Variants in LZTS1 observed in about 807,000 individuals in gnomAD.
LZTS1 encodes the protein leucine zipper putative tumor suppressor 1.
LZTS1 carries 31 observed loss-of-function variants against 45.8 expected under a neutral mutation model. The observed-to-expected ratio is 0.68, with a 90% CI of 0.51 to 0.91. The LOEUF is 0.91. Among genes scored for constraint, LZTS1 ranks in the 40% least tolerant of loss-of-function variants. LZTS1 has a pLI of 0.00. For synonymous variants in LZTS1, 359 were observed against 357.3 expected (o/e 1.00, Z -0.05); for missense variants, 821 against 788.9 (o/e 1.04, Z -0.49).
chr8:20,296,062 C>G (rs1800973904), intron 1 of LZTS1, among the ~76,000 whole-genome samples: 1 of 152,172 alleles, frequency 6.6e-6, no homozygotes, highest in South Asian at 2.1e-4. Context: ...CGAATAATGA[C>G]TAAGGTGGTG....
chr8:20,299,252 C>T (rs977113575), intron 1 of LZTS1, among the ~76,000 whole-genome samples: 1 of 152,250 alleles, frequency 6.6e-6, no homozygotes, highest in Non-Finnish European at 1.5e-5. Flanking sequence ...TTGGCTCCTG[C>T]TTCGCTGACT....
intron 1 of LZTS1, among the ~76,000 whole-genome samples, chr8:20,285,267 C>G (rs1800773261): frequency 6.6e-6 from 1 of 152,190 alleles, no homozygotes; most frequent in Non-Finnish European, 1.5e-5. Context: ...CACCCTGATG[C>G]CTTCCTTCAC....
chr8:20,250,197 G>A lies in LZTS1; in HGVS notation c.1316C>T (p.Ala439Val). ...CAGCTCCAGGCCCTTGGTGCGCAGG[G>A]CGCCCTCCAGGTCCTGGGTCCTCAG... Reference protein sequence around the residue: ...LELRTQDLEGALRTKGLELEV... With the variant: ...LELRTQDLEGVLRTKGLELEV... The change falls in exon 4 of 4, where the codon GCC becomes GTC. Residue 439 changes from alanine (A) to valine (V), a missense_variant. Transcript: ENST00000381569. 6.2e-7 allele frequency: 1 copy of A among 1,611,130 alleles called. No individual in the cohort carries two copies. The highest frequency in any genetic ancestry group is 8.5e-7 in the Non-Finnish European group (1 of 1,179,600).
At chr8:20,285,517 C>A (rs577840739) in intron 1 of LZTS1, among the ~76,000 whole-genome samples, 1 of 152,034 alleles carries the variant, frequency 6.6e-6, no homozygotes, top group Non-Finnish European at 1.5e-5. Context: ...TGAATATAAC[C>A]GAAGTTGTGT....
In LZTS1 at chr8:20,252,770, G is replaced by C; in HGVS notation, c.1149+12C>G. The C allele has an allele frequency of 6.6e-7, 1 of 1,508,724 alleles. No individual in the cohort carries two copies. The highest frequency in any genetic ancestry group is 8.9e-7 in the Non-Finnish European group (1 of 1,128,830). The allele number at this position is 1,508,724 out of a possible 1,614,324, so 93.5% of individuals were successfully genotyped here. Reference sequence around the variant, plus strand: ...CTGACCACCCAAACCCATGAGCCCTGTGTGGCCTCACCTCCCACTGGGTCT... The same window carrying C: ...CTGACCACCCAAACCCATGAGCCCTCTGTGGCCTCACCTCCCACTGGGTCT... On this transcript the variant is annotated intron_variant, in intron 3 of 3. Transcript: ENST00000381569.
intron 1 of LZTS1, among the ~76,000 whole-genome samples, chr8:20,287,414 T>G (rs959759262): frequency 4.6e-5 from 7 of 152,070 alleles, no homozygotes; most frequent in African/African-American, 1.7e-4. Context: ...AAGTAAAAGG[T>G]GAAAGTAAAA....
In LZTS1 at chr8:20,259,204, T is replaced by C. The variant is rs993899291; in HGVS notation, c.-134-3889A>G. On this transcript the variant is annotated intron_variant, in intron 1 of 3. Coordinates refer to ENST00000381569, the MANE Select transcript of LZTS1 (RefSeq NM_021020.5). Reference sequence around the variant, plus strand: ...GGCAGGAGTTTGATTTGAAAATCAATCTCTCTGAGGTTTCTTCATTTACAA... The same window carrying C: ...GGCAGGAGTTTGATTTGAAAATCAACCTCTCTGAGGTTTCTTCATTTACAA... Among the ~76,000 whole-genome samples the C allele has an allele frequency of 2.6e-5, 4 of 152,218 alleles. No homozygotes were observed. In the East Asian group the frequency reaches 7.7e-4, roughly 29 times the overall value.
chr8:20,296,265 T>C (rs4922155), intron 1 of LZTS1, among the ~76,000 whole-genome samples: 101,058 of 152,096 alleles, frequency 0.66, 33,770 homozygotes, highest in Non-Finnish European at 0.68. Flanking sequence ...GAGGTTATTC[T>C]GTGAGGTCAG....
chr8:20,267,793 G>A (rs1304089230), intron 1 of LZTS1, among the ~76,000 whole-genome samples: 3 of 152,150 alleles, frequency 2.0e-5, no homozygotes, highest in African/African-American at 7.2e-5. Flanking sequence ...GGGATTACAG[G>A]TGTGAGCCAC....
chr8:20,285,002 C>A (rs1322791996), intron 1 of LZTS1, among the ~76,000 whole-genome samples: 1 of 152,214 alleles, frequency 6.6e-6, no homozygotes, highest in Non-Finnish European at 1.5e-5. Context: ...TCTTTACTCT[C>A]TGAGCCCAGT....
intron 1 of LZTS1, among the ~76,000 whole-genome samples, chr8:20,289,464 C>G (rs1299912754): frequency 6.6e-6 from 1 of 152,206 alleles, no homozygotes; most frequent in Non-Finnish European, 1.5e-5. Flanking sequence ...GGGCAAGACC[C>G]TGAGACCAGC....
intron 1 of LZTS1, among the ~76,000 whole-genome samples, chr8:20,292,360 C>T (rs1291228020): frequency 6.6e-6 from 1 of 152,198 alleles, no homozygotes; most frequent in Non-Finnish European, 1.5e-5. Flanking sequence ...GTAGCTAGCC[C>T]TGCTGACTGG....
In LZTS1 at chr8:20,252,972, G is replaced by T; in HGVS notation, c.959C>A (p.Ala320Asp). The T allele has an allele frequency of 6.3e-7, 1 of 1,586,338 alleles. No homozygotes were observed. Reference sequence around the variant, plus strand: ...CTGCGCGCGCTGGCTCTTCTGCGAGGCCTGCTTGAGCTTGTTGCCGCCTTT... The same window carrying T: ...CTGCGCGCGCTGGCTCTTCTGCGAGTCCTGCTTGAGCTTGTTGCCGCCTTT... ...EPKGGNKLKQ[A>D]SQKSQRAQQV... Residue 320 changes from alanine (A) to aspartate (D), a missense_variant, in exon 3 of 4, where the codon GCC becomes GAC. Ala to Asp is a moderately radical substitution (Grantham distance 126). Coordinates refer to ENST00000381569, the MANE Select transcript of LZTS1 (RefSeq NM_021020.5).
At chr8:20,250,461 T>G in intron 3 of LZTS1, 98 bp from the exon 4 acceptor site, 1 of 1,245,904 alleles carries the variant, frequency 8.0e-7, no homozygotes, top group Non-Finnish European at 1.1e-6. Context: ...CCACTCCGGA[T>G]GCGGTGGCCC....
chr8:20,292,198 T>C (rs1800911441), intron 1 of LZTS1, among the ~76,000 whole-genome samples: 1 of 152,248 alleles, frequency 6.6e-6, no homozygotes, highest in African/African-American at 2.4e-5. Flanking sequence ...GAGAGTTTCA[T>C]GTCAGTAGGC....
At chr8:20,257,745 C>G (rs1188499802) in intron 1 of LZTS1, among the ~76,000 whole-genome samples, 2 of 149,666 alleles carry the variant, frequency 1.3e-5, no homozygotes, top group Non-Finnish European at 2.9e-5. Flanking sequence ...TCTTGGCTCA[C>G]TGCAACCTCC....
chr8:20,254,100 C>T (rs956475419), intron 2 of LZTS1, among the ~76,000 whole-genome samples: 1 of 152,186 alleles, frequency 6.6e-6, no homozygotes, highest in African/African-American at 2.4e-5. Flanking sequence ...GTTTACAAGC[C>T]CCTTAATTTG....
intron 1 of LZTS1, among the ~76,000 whole-genome samples, chr8:20,266,237 G>A (rs1800351964): frequency 1.3e-5 from 2 of 152,058 alleles, no homozygotes; most frequent in Admixed American, 1.3e-4. Flanking sequence ...ATGTTGCCTA[G>A]GCTGGTCTCA....
rs748627744 is a variant in LZTS1 at position 20,251,615 on chromosome 8, C to T, written c.1149+1167G>A. Reference sequence around the variant, plus strand: ...TGTGGCTTCGGTTTTCATCATTGCTCTTGGCCAAATTTTGATGGGGGATAG... The same window carrying T: ...TGTGGCTTCGGTTTTCATCATTGCTTTTGGCCAAATTTTGATGGGGGATAG... On this transcript the variant is annotated intron_variant, in intron 3 of 3. Coordinates refer to ENST00000381569, the MANE Select transcript of LZTS1 (RefSeq NM_021020.5). Among the ~76,000 whole-genome samples, 96 of 152,104 alleles carry T rather than the reference C, an allele frequency of 6.3e-4. 1 individual carries two copies. The highest frequency in any genetic ancestry group is 1.1e-3 in the Non-Finnish European group (76 of 68,026).
Sources: allele counts gnomAD v4.1 joint callset (sites outside exome capture counted in the v4.1 genomes callset), GRCh38; gene constraint gnomAD v4.1.1; transcripts MANE v1.5; gene names NCBI Gene and HGNC (gene_info 2026-07-23, HGNC 2026-07-21).